Variants in ATF7 observed in about 807,000 individuals in gnomAD.
ATF7 encodes cyclic AMP-dependent transcription factor ATF-7.
Under a neutral mutation model 50.4 loss-of-function variants are expected in ATF7, and 10 were observed. The ratio of observed to expected loss-of-function variants is 0.20; its 90% confidence interval spans 0.12 to 0.34. ATF7 has a LOEUF of 0.34. Among genes scored for constraint, ATF7 ranks in the 10% least tolerant of loss-of-function variants. The probability of loss-of-function intolerance (pLI) is 1.00; values close to 1 mark genes in which losing one functional copy is unlikely to be tolerated. For synonymous variants in ATF7, 201 were observed against 226.4 expected (o/e 0.89, Z 1.01); for missense variants, 465 against 613.9 (o/e 0.76, Z 2.56).
intron 2 of ATF7, among the ~76,000 whole-genome samples, chr12:53,562,031 T>C (rs1039385401): frequency 6.6e-6 from 1 of 152,258 alleles, no homozygotes; most frequent in African/African-American, 2.4e-5. Context: ...CATTTGTCTA[T>C]GGATTGAGGA....
At chr12:53,588,642 C>A (rs930882947) in intron 2 of ATF7, among the ~76,000 whole-genome samples, 1 of 152,152 alleles carries the variant, frequency 6.6e-6, no homozygotes, top group African/African-American at 2.4e-5. Flanking sequence ...CAGGAAGTAA[C>A]CTAGCCTAGA....
At chr12:53,609,835 T>TTTTTTTTTTTTA (rs1437122101) in intron 1 of ATF7, among the ~76,000 whole-genome samples, 1 of 149,456 alleles carries the variant, frequency 6.7e-6, no homozygotes, top group South Asian at 2.1e-4. Flanking sequence ...TTTTTTTTTT[T>TTTTTTTTTTTTA]AGACAGGGTC....
intron 1 of ATF7, among the ~76,000 whole-genome samples, chr12:53,607,757 G>C (rs916167220): frequency 6.6e-6 from 1 of 152,082 alleles, no homozygotes; most frequent in Non-Finnish European, 1.5e-5. Context: ...ACATCAAAAT[G>C]TTGATAATGG....
intron 2 of ATF7, among the ~76,000 whole-genome samples, chr12:53,597,337 T>C (rs1434213854): frequency 6.6e-6 from 1 of 152,028 alleles, no homozygotes; most frequent in Non-Finnish European, 1.5e-5. Flanking sequence ...GAAAGCCTAG[T>C]GGTTTTGATT....
rs1458391369 is a variant in ATF7 at position 53,618,836 on chromosome 12, G to A, written c.-22+7443C>T. On this transcript the variant is annotated intron_variant, in intron 1 of 11. Coordinates refer to ENST00000420353, the MANE Select transcript of ATF7 (RefSeq NM_006856.3). ...GGACGCTGAGGTAGGTGGATTGCCT[G>A]AGCTCAGGCGTTCGAGACCACCCTG... 3.3e-5 allele frequency among the ~76,000 whole-genome samples: 5 copies of A among 152,074 alleles called. No individual in the cohort carries two copies. The South Asian group carries it at 8.3e-4, about 25-fold the overall frequency.
At chr12:53,570,283 G>T (rs1465889757) in intron 2 of ATF7, among the ~76,000 whole-genome samples, 1 of 151,950 alleles carries the variant, frequency 6.6e-6, no homozygotes, top group Non-Finnish European at 1.5e-5. Flanking sequence ...TCATAATGTA[G>T]ACAAACCAGG....
intron 2 of ATF7, among the ~76,000 whole-genome samples, chr12:53,577,735 AG>A (rs201935331): frequency 0.015 from 2,288 of 149,350 alleles, 65 homozygotes; most frequent in African/African-American, 0.054. Flanking sequence ...AAAAAAAGAA[AG>A]AAAGAAAGAA....
At chr12:53,617,061 T>C (rs1174901334) in intron 1 of ATF7, among the ~76,000 whole-genome samples, 3 of 152,154 alleles carry the variant, frequency 2.0e-5, no homozygotes. Flanking sequence ...ATCACTTTGT[T>C]GCCCAGGCTG....
chr12:53,625,795 G>A (rs771669338), intron 1 of ATF7, among the ~76,000 whole-genome samples: 1 of 151,890 alleles, frequency 6.6e-6, no homozygotes, highest in Non-Finnish European at 1.5e-5. Flanking sequence ...CCACTCTTTG[G>A]GAAGCCCTGG....
intron 2 of ATF7, among the ~76,000 whole-genome samples, chr12:53,573,263 A>G (rs1365787759): frequency 2.0e-5 from 3 of 152,178 alleles, no homozygotes; most frequent in African/African-American, 7.2e-5. Context: ...ATATAGGGAA[A>G]CATAGTATGG....
intron 2 of ATF7, among the ~76,000 whole-genome samples, chr12:53,588,644 T>C (rs1342526091): frequency 1.3e-5 from 2 of 152,198 alleles, no homozygotes; most frequent in Admixed American, 6.5e-5. Context: ...GGAAGTAACC[T>C]AGCCTAGAAT....
At chr12:53,606,832 C>T (rs1203280534) in intron 1 of ATF7, among the ~76,000 whole-genome samples, 19 of 149,414 alleles carry the variant, frequency 1.3e-4, no homozygotes, top group African/African-American at 3.7e-4. Flanking sequence ...TTTGTCTTTG[C>T]GATAGTTTGC....
rs182124510 is a variant in ATF7 at position 53,536,773 on chromosome 12, A to C, written c.402+642T>G. Among the ~76,000 whole-genome samples, 223 of 152,076 alleles carry C rather than the reference A, an allele frequency of 1.5e-3. 3 individuals carry two copies. In the East Asian group the frequency reaches 0.038, roughly 26 times the overall value. On this transcript the variant is annotated intron_variant, in intron 5 of 11. Coordinates refer to ENST00000420353, the MANE Select transcript of ATF7 (RefSeq NM_006856.3). ...CGTGGTGGCACGCACCTGTAGTCCC[A>C]GCTACTTGGGAGGCTGAGGCAGGAG... is the stretch of plus-strand genomic sequence containing the variant.
chr12:53,573,654 G>A (rs1458123012), intron 2 of ATF7, among the ~76,000 whole-genome samples: 1 of 152,032 alleles, frequency 6.6e-6, no homozygotes, highest in Non-Finnish European at 1.5e-5. Flanking sequence ...TGGGAATCTT[G>A]GAATGTATCC....
At chr12:53,553,205 T>C (rs529458106) in intron 2 of ATF7, among the ~76,000 whole-genome samples, 5 of 152,274 alleles carry the variant, frequency 3.3e-5, no homozygotes, top group African/African-American at 1.2e-4. Flanking sequence ...TGAGCCAGGA[T>C]GGAGCTGTAG....
intron 9 of ATF7, among the ~76,000 whole-genome samples, 170 bp downstream of exon 9, chr12:53,531,574 A>G (rs3741650): frequency 0.038 from 5,819 of 152,280 alleles, 211 homozygotes; most frequent in East Asian, 0.19. Context: ...ATAAATAATA[A>G]AAAGAATGGT....
At chr12:53,599,465 T>C (rs1443338021) in intron 2 of ATF7, among the ~76,000 whole-genome samples, 2 of 150,066 alleles carry the variant, frequency 1.3e-5, no homozygotes, top group African/African-American at 5.0e-5. Context: ...GAGATATATA[T>C]ATATTCTATA....
intron 9 of ATF7, among the ~76,000 whole-genome samples, chr12:53,528,200 A>G (rs944233403): frequency 6.6e-6 from 1 of 152,224 alleles, no homozygotes. Flanking sequence ...AAAAATGGAG[A>G]AGAAATTTCC....
At chr12:53,560,393 A>C (rs1941032503) in intron 2 of ATF7, among the ~76,000 whole-genome samples, 1 of 152,088 alleles carries the variant, frequency 6.6e-6, no homozygotes, top group South Asian at 2.1e-4. Context: ...CACTGAACAG[A>C]CCCGAAAAGA....
Sources: gnomAD v4.1 joint callset for allele counts (sites outside exome capture counted in the v4.1 genomes callset) on GRCh38, gnomAD v4.1.1 for gene constraint, MANE v1.5 for transcripts, NCBI Gene and HGNC (gene_info 2026-07-23, HGNC 2026-07-21) for gene names.